PTPRG: variants seen among roughly 807,000 people sequenced by gnomAD.
PTPRG encodes protein tyrosine phosphatase receptor type G, also known as receptor-type tyrosine-protein phosphatase gamma.
A neutral mutation model predicts 165.3 loss-of-function variants in PTPRG; 102 were observed. That is an observed-to-expected ratio of 0.62 (90% CI 0.53 to 0.73). The LOEUF (loss-of-function observed/expected upper bound fraction) is 0.73. PTPRG is among the 30% of genes least tolerant of loss of function. PTPRG has a pLI of 0.00. For missense variants in PTPRG, 1,866 were observed against 1,861.4 expected, an observed-to-expected ratio of 1.00 and a Z score of -0.05; for synonymous variants, 675 against 669.5, an observed-to-expected ratio of 1.01 and a Z score of -0.13.
rs181210889 is a variant in PTPRG at position 61,985,412 on chromosome 3, A to G, written c.191-4213A>G. 9.8e-5 allele frequency among the ~76,000 whole-genome samples: 15 copies of G among 152,330 alleles called. 1 individual carries two copies. The highest frequency in any genetic ancestry group is 2.6e-4 in the Admixed American group (4 of 15,304). On this transcript the variant is annotated intron_variant, in intron 2 of 29. Transcript: ENST00000474889. ...AGTCAGTTTCTTGACAGTCTGCTAT[A>G]CATTTACAAGCCAGTAACAGAGGCA...
intron 4 of PTPRG, among the ~76,000 whole-genome samples, chr3:62,036,740 CA>C (rs1270338600): frequency 2.0e-5 from 3 of 151,862 alleles, no homozygotes; most frequent in Non-Finnish European, 4.4e-5. Flanking sequence ...AAATAAACAG[CA>C]AAAAAAGCCA....
chr3:62,286,026 A>C (rs1031950605), intron 28 of PTPRG, among the ~76,000 whole-genome samples: 3 of 152,206 alleles, frequency 2.0e-5, no homozygotes, highest in African/African-American at 7.2e-5. Context: ...TTTTAGGGCT[A>C]ATCGTATTTT....
intron 8 of PTPRG, among the ~76,000 whole-genome samples, chr3:62,177,056 C>T (rs1010731463): frequency 6.6e-6 from 1 of 152,090 alleles, no homozygotes; most frequent in Non-Finnish European, 1.5e-5. Context: ...TTGAGACCAG[C>T]AGTTCCTGAC....
intron 2 of PTPRG, among the ~76,000 whole-genome samples, chr3:61,885,697 CTCTCT>C: frequency 8.0e-6 from 1 of 125,054 alleles, no homozygotes; most frequent in Non-Finnish European, 1.7e-5. Flanking sequence ...CTCTCCTCTC[CTCTCT>C]CGACAGGGTC....
intron 1 of PTPRG, among the ~76,000 whole-genome samples, chr3:61,716,868 A>G (rs957928500): frequency 1.3e-5 from 2 of 152,156 alleles, no homozygotes; most frequent in African/African-American, 4.8e-5. Context: ...GCTACTCAGG[A>G]GGCTGAGGCA....
intron 6 of PTPRG, among the ~76,000 whole-genome samples, chr3:62,143,938 AAC>A (rs1185359604): frequency 6.6e-6 from 1 of 152,218 alleles, no homozygotes; most frequent in Non-Finnish European, 1.5e-5. Context: ...AGACAGGGAA[AAC>A]ACAGAGAAAA....
At chr3:61,914,895 C>T (rs1320668399) in intron 2 of PTPRG, among the ~76,000 whole-genome samples, 1 of 152,066 alleles carries the variant, frequency 6.6e-6, no homozygotes, top group Admixed American at 6.6e-5. Flanking sequence ...CAAATGTTAC[C>T]ATATTGTTTG....
chr3:61,816,699 T>C (rs2035772251), intron 2 of PTPRG, among the ~76,000 whole-genome samples: 1 of 151,960 alleles, frequency 6.6e-6, no homozygotes, highest in Admixed American at 6.6e-5. Context: ...TGAAAATGAA[T>C]TGAGGAGGCA....
chr3:62,279,385 C>T (rs1459694500), intron 26 of PTPRG, among the ~76,000 whole-genome samples: 1 of 152,072 alleles, frequency 6.6e-6, no homozygotes, highest in African/African-American at 2.4e-5. Flanking sequence ...TCTACCATAA[C>T]TCAAATCCCT....
At position 61,866,275 on chromosome 3, in the gene PTPRG, T is replaced by G. The variant is rs1357197994; in HGVS notation, c.190+117293T>G. 5.9e-5 allele frequency among the ~76,000 whole-genome samples: 9 copies of G among 152,322 alleles called. No individual in the cohort carries two copies. The East Asian group carries it at 1.5e-3, about 26-fold the overall frequency. On this transcript the variant is annotated intron_variant, in intron 2 of 29. Transcript: ENST00000474889. Reference sequence around the variant, plus strand: ...TACCTGCACTTCCCTTTTCCCATCCTGATACAGATGATTTCATTTTGCCCA... The same window carrying G: ...TACCTGCACTTCCCTTTTCCCATCCGGATACAGATGATTTCATTTTGCCCA...
intron 4 of PTPRG, among the ~76,000 whole-genome samples, chr3:62,013,217 G>A (rs1225805544): frequency 6.6e-6 from 1 of 152,048 alleles, no homozygotes; most frequent in East Asian, 1.9e-4. Context: ...GTATCGCTGA[G>A]ACATAGTACA....
chr3:61,754,250 G>A (rs376340000), intron 2 of PTPRG, among the ~76,000 whole-genome samples: 2 of 152,268 alleles, frequency 1.3e-5, no homozygotes, highest in African/African-American at 4.8e-5. Flanking sequence ...AACTGTCCTG[G>A]GATTTGAGGA....
At chr3:62,027,230 A>G (rs2041826566) in intron 4 of PTPRG, among the ~76,000 whole-genome samples, 1 of 152,148 alleles carries the variant, frequency 6.6e-6, no homozygotes, top group African/African-American at 2.4e-5. Flanking sequence ...GATAGTGTGG[A>G]GAAGACCTAA....
intron 4 of PTPRG, among the ~76,000 whole-genome samples, chr3:62,059,566 A>G (rs1294230016): frequency 6.6e-6 from 1 of 152,242 alleles, no homozygotes; most frequent in Non-Finnish European, 1.5e-5. Context: ...GGCTGGGCAC[A>G]GTGGCTCACG....
intron 2 of PTPRG, among the ~76,000 whole-genome samples, chr3:61,793,639 C>G (rs889691314): frequency 1.3e-5 from 2 of 152,070 alleles, no homozygotes; most frequent in Non-Finnish European, 2.9e-5. Context: ...ACACAAAAAG[C>G]TATTGATAAA....
chr3:62,276,080 G>A (rs537416824), intron 24 of PTPRG, 114 bp downstream of exon 24: 1 of 673,838 alleles, frequency 1.5e-6, no homozygotes, highest in South Asian at 2.7e-5. Flanking sequence ...ACTGTACGTG[G>A]CCGTATGGTA....
At chr3:61,627,656 G>C (rs1394766047) in intron 1 of PTPRG, among the ~76,000 whole-genome samples, 1 of 152,134 alleles carries the variant, frequency 6.6e-6, no homozygotes, top group Non-Finnish European at 1.5e-5. Context: ...ATGGAATAAA[G>C]GGAATGTTTT....
chr3:62,009,701 C>T (rs1383586919), intron 4 of PTPRG, among the ~76,000 whole-genome samples: 1 of 152,152 alleles, frequency 6.6e-6, no homozygotes, highest in Non-Finnish European at 1.5e-5. Flanking sequence ...TTGTGTCACA[C>T]ACATAAAGGC....
chr3:61,603,791 T>G (rs568321040), intron 1 of PTPRG, among the ~76,000 whole-genome samples: 1 of 152,250 alleles, frequency 6.6e-6, no homozygotes, highest in East Asian at 1.9e-4. Flanking sequence ...AATCTCTGCC[T>G]CCATCTTCAC....
Sources: allele counts gnomAD v4.1 joint callset (sites outside exome capture counted in the v4.1 genomes callset), GRCh38; gene constraint gnomAD v4.1.1; transcripts MANE v1.5; gene names NCBI Gene and HGNC (gene_info 2026-07-23, HGNC 2026-07-21).